The following UBASH3B variants were observed in gnomAD, a reference collection of about 807,000 sequenced individuals.
UBASH3B encodes the protein ubiquitin-associated and SH3 domain-containing protein B.
UBASH3B carries 37 observed loss-of-function variants against 83.4 expected under a neutral mutation model. That is an observed-to-expected ratio of 0.44 (90% confidence interval 0.34 to 0.58). The LOEUF is 0.58. UBASH3B is among the 20% of genes least tolerant of loss of function. UBASH3B has a pLI of 0.01. For synonymous variants in UBASH3B, 304 were observed against 318.3 expected, an observed-to-expected ratio of 0.96 and a Z score of 0.48; for missense variants, 657 against 827.2, an observed-to-expected ratio of 0.79 and a Z score of 2.52.
At position 122,794,752 on chromosome 11, in the gene UBASH3B, A is replaced by T. The variant is rs1861124500; in HGVS notation, c.1031A>T (p.Asp344Val). Residue 344 changes from aspartate (D) to valine (V), a missense_variant, in exon 7 of 14, where the codon GAT (aspartate) becomes GTT (valine). Physicochemically the swap from Asp to Val is radical, Grantham distance 152. Transcript: ENST00000284273. ...TSSSNSLTFG[D>V]GVLERRPYED... The stretch of plus-strand genomic sequence containing the variant: ...TCATCCAACTCTCTCACGTTTGGGG[A>T]TGGAGTATTGGAGAGGCGGCCTTAT... The T allele has an allele frequency of 6.2e-7, 1 of 1,614,106 alleles. No individual in the cohort carries two copies. The highest frequency in any genetic ancestry group is 8.5e-7 in the Non-Finnish European group (1 of 1,180,016).
intron 1 of UBASH3B, among the ~76,000 whole-genome samples, chr11:122,668,723 A>G (rs1016716102): frequency 6.6e-6 from 1 of 152,202 alleles, no homozygotes; most frequent in Non-Finnish European, 1.5e-5. Flanking sequence ...GAGGCAGTGG[A>G]TATAAAAGTA....
intron 1 of UBASH3B, among the ~76,000 whole-genome samples, chr11:122,743,493 G>A (rs913943418): frequency 8.5e-5 from 13 of 152,170 alleles, no homozygotes; most frequent in African/African-American, 3.1e-4. Flanking sequence ...GGGATTACAG[G>A]AATGAACCCA....
At chr11:122,678,044 G>C (rs1327937471) in intron 1 of UBASH3B, among the ~76,000 whole-genome samples, 1 of 152,190 alleles carries the variant, frequency 6.6e-6, no homozygotes, top group Admixed American at 6.5e-5. Context: ...GCCTGCTGAG[G>C]CTTTCCAATG....
At chr11:122,710,792 CT>C (rs983181800) in intron 1 of UBASH3B, among the ~76,000 whole-genome samples, 2 of 151,458 alleles carry the variant, frequency 1.3e-5, no homozygotes, top group Non-Finnish European at 2.9e-5. Flanking sequence ...TACCACTTCC[CT>C]AGAGCTTTTG....
intron 1 of UBASH3B, among the ~76,000 whole-genome samples, chr11:122,744,680 T>C (rs187668852): frequency 1.4e-5 from 2 of 144,530 alleles, no homozygotes; most frequent in Admixed American, 1.4e-4. Context: ...ACTGTGAGTG[T>C]GTGTTGTGGG....
intron 6 of UBASH3B, 39 bp from the exon 7 acceptor site, chr11:122,794,663 G>T: frequency 1.2e-6 from 2 of 1,613,210 alleles, no homozygotes; most frequent in Non-Finnish European, 1.7e-6. Flanking sequence ...GATGACTGCT[G>T]GCCAGAGCAG....
At chr11:122,740,627 G>A (rs528491581) in intron 1 of UBASH3B, among the ~76,000 whole-genome samples, 1 of 152,248 alleles carries the variant, frequency 6.6e-6, no homozygotes, top group East Asian at 1.9e-4. Flanking sequence ...AGAGTGATAA[G>A]CTATAATTTG....
chr11:122,758,215 C>T lies in UBASH3B; in HGVS notation c.162-18004C>T, dbSNP rs578101713. Among the ~76,000 whole-genome samples, 1 of 152,288 alleles carries T rather than the reference C, an allele frequency of 6.6e-6. No individual in the cohort carries two copies. The highest frequency in any genetic ancestry group is 1.9e-4 in the East Asian group (1 of 5,178). On this transcript the variant is annotated intron_variant, in intron 1 of 13. Transcript: ENST00000284273. This position sits in a 1 kb window ranked among gnomAD's most constrained non-coding sequence, Gnocchi z 4.2. ...CGTAGTTGGGCCAGCAGACACACGGCTGGCTAGAGAGTTTTGGACCCCTCT... is the reference window on the plus strand; with the variant it reads ...CGTAGTTGGGCCAGCAGACACACGGTTGGCTAGAGAGTTTTGGACCCCTCT...
chr11:122,808,132 C>G lies in UBASH3B; in HGVS notation c.1768C>G (p.Leu590Val), dbSNP rs557592047. The G allele has an allele frequency of 6.2e-7, 1 of 1,614,192 alleles. No individual in the cohort carries two copies. Among genetic ancestry groups the G allele is most frequent in the African/African-American group, 1.3e-5 (1 of 75,054 alleles). Residue 590 changes from leucine (L) to valine (V), a missense_variant, in exon 13 of 14, where the codon CTG (leucine) becomes GTG (valine). Leu to Val is a conservative substitution (Grantham distance 32, BLOSUM62 1). This residue lies in a region of UBASH3B where 573 missense variants were observed against 739.0 expected (regional missense o/e 0.78). Coordinates refer to ENST00000284273, the MANE Select transcript of UBASH3B (RefSeq NM_032873.5). Reference sequence around the variant, plus strand: ...AGCGTGTACCTGCCAACTTCAGGGCCTGTCACCTCAGAACTCCAAGGACTT... The same window carrying G: ...AGCGTGTACCTGCCAACTTCAGGGCGTGTCACCTCAGAACTCCAAGGACTT... ...LEACTCQLQG[L>V]SPQNSKDFVQ...
chr11:122,683,118 G>T (rs926592907), intron 1 of UBASH3B, among the ~76,000 whole-genome samples: 1 of 151,926 alleles, frequency 6.6e-6, no homozygotes, highest in Non-Finnish European at 1.5e-5. Flanking sequence ...GCATGGTGGT[G>T]CATGCCTGTA....
rs1194620963 is a variant in UBASH3B, at chr11:122,801,341, C to T, written c.1595+9C>T. On this transcript the variant is annotated intron_variant, in intron 11 of 13. Coordinates refer to ENST00000284273, the MANE Select transcript of UBASH3B (RefSeq NM_032873.5). ...GTTGATACAACCTACAGGTAAGCCTCGGAAACTGCTGCTTACTGAGGCCAG... is the reference window on the plus strand; with the variant it reads ...GTTGATACAACCTACAGGTAAGCCTTGGAAACTGCTGCTTACTGAGGCCAG... 2 of 1,613,146 alleles carry T rather than the reference C, an allele frequency of 1.2e-6. No individual in the cohort carries two copies. The highest frequency in any genetic ancestry group is 1.7e-5 in the Admixed American group (1 of 59,998).
chr11:122,730,104 G>A (rs1273959289), intron 1 of UBASH3B, among the ~76,000 whole-genome samples: 1 of 151,384 alleles, frequency 6.6e-6, no homozygotes, highest in Non-Finnish European at 1.5e-5. Flanking sequence ...TGGCCAACAT[G>A]GCAAAACTCC....
chr11:122,755,442 G>C (rs1861268439), intron 1 of UBASH3B, among the ~76,000 whole-genome samples: 1 of 152,034 alleles, frequency 6.6e-6, no homozygotes, highest in Non-Finnish European at 1.5e-5. Context: ...GCAAGCAGAG[G>C]GAACAACCGG....
At chr11:122,688,955 T>G (rs1863848452) in intron 1 of UBASH3B, among the ~76,000 whole-genome samples, 1 of 137,020 alleles carries the variant, frequency 7.3e-6, no homozygotes, top group African/African-American at 2.7e-5. Flanking sequence ...ATTTTTGTAT[T>G]TTTACTAGAG....
chr11:122,674,768 G>A (rs1565524807), intron 1 of UBASH3B, among the ~76,000 whole-genome samples: 1 of 148,216 alleles, frequency 6.7e-6, no homozygotes, highest in Non-Finnish European at 1.5e-5. Flanking sequence ...TCGCTCTGAG[G>A]CCCAGGCTGG....
At chr11:122,702,387 AC>A (rs1290329207) in intron 1 of UBASH3B, among the ~76,000 whole-genome samples, 3 of 152,136 alleles carry the variant, frequency 2.0e-5, no homozygotes, top group African/African-American at 7.2e-5. Flanking sequence ...ATAGGACCCT[AC>A]CCCTACCAAG....
intron 1 of UBASH3B, among the ~76,000 whole-genome samples, chr11:122,742,523 C>G (rs1861042717): frequency 6.6e-6 from 1 of 152,216 alleles, no homozygotes. Context: ...AAAAGCCAGT[C>G]TGGGCTTGTT....
intron 1 of UBASH3B, among the ~76,000 whole-genome samples, chr11:122,765,059 G>C (rs1438056150): frequency 6.6e-6 from 1 of 151,308 alleles, no homozygotes; most frequent in African/African-American, 2.4e-5. Context: ...AGATTAACAG[G>C]ATTTTTTGTT....
At chr11:122,723,880 G>A (rs1017249179) in intron 1 of UBASH3B, among the ~76,000 whole-genome samples, 1 of 152,248 alleles carries the variant, frequency 6.6e-6, no homozygotes, top group Non-Finnish European at 1.5e-5. Context: ...ATTTTCTGGT[G>A]CTTCTGGGTG....
Sources: gnomAD v4.1 joint callset for allele counts (sites outside exome capture counted in the v4.1 genomes callset) on GRCh38, gnomAD v4.1.1 for gene constraint, gnomAD v4.1.1 regional missense constraint, Gnocchi (gnomAD v3.1) non-coding constraint, MANE v1.5 for transcripts, NCBI Gene and HGNC (gene_info 2026-07-23, HGNC 2026-07-21) for gene names.